The following TEN1 variants were observed in gnomAD, a reference collection of about 807,000 sequenced individuals.
TEN1 encodes the protein CST complex subunit TEN1.
Under a neutral mutation model 9.3 loss-of-function variants are expected in TEN1, and 6 were observed. That is an observed-to-expected ratio of 0.65 (90% CI 0.35 to 1.27). The LOEUF (loss-of-function observed/expected upper bound fraction) is 1.27. TEN1 is among the 50% of genes most tolerant of loss of function. TEN1 has a pLI of 0.03. For missense variants in TEN1, 149 were observed against 158.2 expected, an observed-to-expected ratio of 0.94 and a Z score of 0.31; for synonymous variants, 65 against 65.6, an observed-to-expected ratio of 0.99 and a Z score of 0.04.
intron 1 of TEN1, among the ~76,000 whole-genome samples, chr17:75,981,950 C>G (rs987004540): frequency 6.6e-6 from 1 of 152,212 alleles, no homozygotes; most frequent in Admixed American, 6.5e-5. Context: ...TCGCTTGAAC[C>G]GGGGAGGCAG....
chr17:75,991,675 A>T (rs1467627149), intron 3 of TEN1, 52 bp downstream of exon 3: 1 of 1,534,320 alleles, frequency 6.5e-7, no homozygotes, highest in Non-Finnish European at 8.8e-7. Context: ...GAGCTGGGGC[A>T]GTCTTCGGGG....
chr17:75,991,967 C>T (rs1213964701), intron 3 of TEN1, among the ~76,000 whole-genome samples: 1 of 149,330 alleles, frequency 6.7e-6, no homozygotes, highest in African/African-American at 2.5e-5. Context: ...GAATCACTTG[C>T]ACCAGGGAGG....
At chr17:75,988,727 T>C (rs2066167543) in intron 2 of TEN1, among the ~76,000 whole-genome samples, 1 of 152,032 alleles carries the variant, frequency 6.6e-6, no homozygotes, top group Non-Finnish European at 1.5e-5. Flanking sequence ...TTTGAATGGT[T>C]CCATTTTGTT....
intron 1 of TEN1, among the ~76,000 whole-genome samples, chr17:75,983,464 G>A (rs560800184): frequency 5.3e-5 from 8 of 152,198 alleles, no homozygotes; most frequent in Middle Eastern, 3.4e-3. Flanking sequence ...GCACACACTC[G>A]TGTACACTAG....
Position 75,991,466 on chromosome 17 carries a change from G to GT in TEN1, c.95dup (p.Leu32PhefsTer5). Reference sequence around the variant, plus strand: ...TTATTGCATTTCTTCTGCCTTCCAGGTTGTGCCTCTATGACATGATTCAGT... The same window carrying GT: ...TTATTGCATTTCTTCTGCCTTCCAGGTTTGTGCCTCTATGACATGATTCAGT... On this transcript the variant is annotated frameshift_variant and splice_region_variant, in exon 3 of 4. Coordinates refer to ENST00000397640, the MANE Select transcript of TEN1 (RefSeq NM_001113324.3). LOFTEE classifies it high-confidence loss of function. The GT allele has an allele frequency of 1.3e-6, 2 of 1,552,188 alleles. No homozygotes were observed. The highest frequency in any genetic ancestry group is 2.4e-5 in the South Asian group (2 of 84,060).
intron 2 of TEN1, among the ~76,000 whole-genome samples, chr17:75,989,493 C>T (rs2066172531): frequency 6.6e-6 from 1 of 151,562 alleles, no homozygotes; most frequent in Non-Finnish European, 1.5e-5. Context: ...CTCACTGCAA[C>T]CTCCAACTCC....
At position 76,000,317 on chromosome 17, in the gene TEN1, C is replaced by A; in HGVS notation, c.*55C>A. ...GCTTCAGAGCCCGAACCCTCTGGAGCTGCAGGAGCCCGGGAGAGCACAGAC... is the reference window on the plus strand; with the variant it reads ...GCTTCAGAGCCCGAACCCTCTGGAGATGCAGGAGCCCGGGAGAGCACAGAC... On this transcript the variant is annotated 3_prime_UTR_variant, in exon 4 of 4. Coordinates refer to ENST00000397640, the MANE Select transcript of TEN1 (RefSeq NM_001113324.3). The surrounding 1 kb of genome is among the most constrained non-coding windows in gnomAD (Gnocchi z 5.9). 1 of 1,522,824 alleles carries A rather than the reference C, an allele frequency of 6.6e-7. No homozygotes were observed. 94.3% of individuals were successfully genotyped at this position (1,522,824 alleles called of 1,614,324 possible). A position where few individuals can be genotyped will look rare whatever the true frequency, so the allele number is the denominator to read the frequency against.
chr17:75,997,380 TC>T (rs1253707703), intron 3 of TEN1, among the ~76,000 whole-genome samples: 2 of 151,974 alleles, frequency 1.3e-5, no homozygotes, highest in East Asian at 3.9e-4. Context: ...CCACAGCTAG[TC>T]CAGAAATTCC....
chr17:75,997,911 G>A (rs928992475), intron 3 of TEN1, among the ~76,000 whole-genome samples: 1 of 151,432 alleles, frequency 6.6e-6, no homozygotes, highest in Non-Finnish European at 1.5e-5. Context: ...TGGGAGTGCA[G>A]TGGCACGATC....
Position 76,000,271 on chromosome 17 carries a change from A to G in TEN1, c.*9A>G, listed in dbSNP as rs1293072251. On this transcript the variant is annotated 3_prime_UTR_variant, in exon 4 of 4. Coordinates refer to ENST00000397640, the MANE Select transcript of TEN1 (RefSeq NM_001113324.3). The surrounding 1 kb of genome is among the most constrained non-coding windows in gnomAD (Gnocchi z 5.9). Reference sequence around the variant, plus strand: ...GGGGCGGCAGCCAGTAGGAAACAGCAGCCTAGCAACACCCTCACCTGCTTC... The same window carrying G: ...GGGGCGGCAGCCAGTAGGAAACAGCGGCCTAGCAACACCCTCACCTGCTTC... The G allele has an allele frequency of 6.4e-7, 1 of 1,550,488 alleles. No homozygotes were observed. Among genetic ancestry groups the G allele is most frequent in the South Asian group, 1.2e-5 (1 of 83,948 alleles).
intron 3 of TEN1, among the ~76,000 whole-genome samples, chr17:75,998,400 C>T (rs2066230275): frequency 6.6e-6 from 1 of 151,976 alleles, no homozygotes; most frequent in Non-Finnish European, 1.5e-5. Context: ...CTTGTCTTGC[C>T]CTCCCAAAGT....
At chr17:75,982,150 A>G (rs1186662017) in intron 1 of TEN1, among the ~76,000 whole-genome samples, 1 of 152,228 alleles carries the variant, frequency 6.6e-6, no homozygotes, top group Admixed American at 6.5e-5. Context: ...ATAAGACTCC[A>G]TTCCAGAGAG....
intron 3 of TEN1, among the ~76,000 whole-genome samples, 192 bp from the exon 4 acceptor site, chr17:75,999,949 G>A (rs578021667): frequency 5.3e-4 from 81 of 152,228 alleles, no homozygotes; most frequent in African/African-American, 1.9e-3. Context: ...GACACGGGCC[G>A]ACTGTGCATG....
At chr17:75,996,830 G>A (rs765115035) in intron 3 of TEN1, among the ~76,000 whole-genome samples, 3 of 151,998 alleles carry the variant, frequency 2.0e-5, no homozygotes, top group East Asian at 1.9e-4. Flanking sequence ...CTCCCTCTTC[G>A]AGCATCCTTA....
At position 75,979,322 on chromosome 17, in the gene TEN1, T is replaced by G. The variant is rs2066094663; in HGVS notation, c.-196T>G. ...TGGGGCCGGTCGCGGGGCAGACTAA[T>G]CCCCTGCTCCTGGCCAGGGGAGGCT... is the stretch of plus-strand genomic sequence containing the variant. On this transcript the variant is annotated 5_prime_UTR_variant, in exon 1 of 4. Transcript: ENST00000397640. The G allele has an allele frequency of 3.4e-6, 2 of 595,928 alleles. No individual in the cohort carries two copies. Among genetic ancestry groups the G allele is most frequent in the South Asian group, 3.9e-5 (2 of 51,648 alleles). The allele number at this position is 595,928 out of a possible 1,614,324, so 36.9% of individuals were successfully genotyped here.
At chr17:75,988,084 A>G (rs2144349842) in intron 2 of TEN1, among the ~76,000 whole-genome samples, 1 of 151,524 alleles carries the variant, frequency 6.6e-6, no homozygotes, top group Admixed American at 6.6e-5. Context: ...TATAAAAAAT[A>G]CAAAAATTAG....
intron 2 of TEN1, among the ~76,000 whole-genome samples, chr17:75,991,175 A>G (rs1402162981): frequency 1.3e-5 from 2 of 151,452 alleles, no homozygotes; most frequent in African/African-American, 4.8e-5. Flanking sequence ...AAAAGAAAAA[A>G]GAAAAAGAAA....
intron 1 of TEN1, chr17:75,984,528 A>T (rs1195527886): frequency 6.6e-6 from 1 of 152,192 alleles, no homozygotes; most frequent in Non-Finnish European, 1.5e-5. Context: ...CCTCCCAAGT[A>T]GCTGGGATTA....
chr17:75,992,661 C>T (rs957293245), intron 3 of TEN1, among the ~76,000 whole-genome samples: 21 of 151,334 alleles, frequency 1.4e-4, no homozygotes, highest in Non-Finnish European at 1.6e-4. Context: ...TATGGGCGCC[C>T]GCCACCACGC....
Sources: allele counts gnomAD v4.1 joint callset (sites outside exome capture counted in the v4.1 genomes callset), GRCh38; gene constraint gnomAD v4.1.1; non-coding constraint Gnocchi (gnomAD v3.1); transcripts MANE v1.5; gene names NCBI Gene and HGNC (gene_info 2026-07-23, HGNC 2026-07-21).